The following CPXM1 variants were observed in gnomAD, a reference collection of about 807,000 sequenced individuals.
CPXM1 encodes the protein probable carboxypeptidase X1.
In CPXM1, 72 loss-of-function variants were observed where a neutral mutation model predicts 80.4. That is an observed-to-expected ratio of 0.90 (90% CI 0.74 to 1.09). The LOEUF (loss-of-function observed/expected upper bound fraction) is 1.09, where lower values mean the gene tolerates loss of function less well. Ranked by LOEUF, CPXM1 falls within the 50% of genes least tolerant of loss-of-function variation. The pLI is 0.00. For missense variants in CPXM1, 892 were observed against 999.4 expected (o/e 0.89, Z 1.45); for synonymous variants, 403 against 405.6 (o/e 0.99, Z 0.08).
chr20:2,799,630 TC>T (rs1405454128), intron 1 of CPXM1, among the ~76,000 whole-genome samples: 2 of 151,898 alleles, frequency 1.3e-5, no homozygotes, highest in African/African-American at 4.8e-5. Context: ...CTCTCCAGAC[TC>T]CCCTGACTCG....
intron 5 of CPXM1, among the ~76,000 whole-genome samples, chr20:2,797,625 C>T (rs6051400): frequency 2.0e-5 from 3 of 152,304 alleles, no homozygotes; most frequent in African/African-American, 7.2e-5. Context: ...ACATTGTAGC[C>T]TGCTGTAAAA....
Position 2,794,276 on chromosome 20 carries a change from T to C in CPXM1, c.2119A>G (p.Arg707Gly). The C allele has an allele frequency of 3.7e-6, 6 of 1,613,958 alleles. No individual in the cohort carries two copies. The highest frequency in any genetic ancestry group is 5.1e-6 in the Non-Finnish European group (6 of 1,179,988). Residue 707 changes from arginine to glycine, a missense_variant, in exon 14 of 14, where the codon AGG (arginine) becomes GGG (glycine). This residue lies in a region of CPXM1 where 874 missense variants were observed against 958.4 expected (regional missense o/e 0.91). Coordinates refer to ENST00000380605, the MANE Select transcript of CPXM1 (RefSeq NM_019609.5). This position sits in a 1 kb window ranked among gnomAD's most constrained non-coding sequence, Gnocchi z 5.2. ...NFVLTKTPKQ[R>G]LRELLAAGAK... Reference sequence around the variant, plus strand: ...CCAGCTGCCAGCAGCTCGCGCAGCCTCTGTTTGGGAGTCTTGGTGAGCACG... The same window carrying C: ...CCAGCTGCCAGCAGCTCGCGCAGCCCCTGTTTGGGAGTCTTGGTGAGCACG...
Position 2,794,658 on chromosome 20 carries a change from T to A in CPXM1, c.1861-19A>T. The A allele has an allele frequency of 3.2e-6, 5 of 1,583,698 alleles. No individual in the cohort carries two copies. The highest frequency in any genetic ancestry group is 4.3e-6 in the Non-Finnish European group (5 of 1,157,614). On this transcript the variant is annotated intron_variant, in intron 12 of 13. Coordinates refer to ENST00000380605, the MANE Select transcript of CPXM1 (RefSeq NM_019609.5). This position sits in a 1 kb window ranked among gnomAD's most constrained non-coding sequence, Gnocchi z 5.2. ...TGCGCACCTGTGTGGGAAGAGGTTA[T>A]CAGAGCCCTTCCCCTTCGGCAGGAT...
chr20:2,799,799 G>A (rs533238745), intron 1 of CPXM1, among the ~76,000 whole-genome samples: 2 of 152,284 alleles, frequency 1.3e-5, no homozygotes, highest in South Asian at 4.1e-4. Context: ...CAGCCTCAGC[G>A]AGGGGCTCTC....
chr20:2,795,783 G>A lies in CPXM1; in HGVS notation c.1536C>T (p.Arg512=), dbSNP rs761805318. 3.0e-5 allele frequency: 48 copies of A among 1,612,726 alleles called. No homozygotes were observed. The highest frequency in any genetic ancestry group is 4.0e-5 in the Non-Finnish European group (47 of 1,180,036). ...LVVSYPFDMT[R]TPWAARELTP... ...TGAGCTCGCGGGCAGCCCACGGGGTGCGAGTCATGTCGAATGGGTAGGACA... is the reference window on the plus strand; with the variant it reads ...TGAGCTCGCGGGCAGCCCACGGGGTACGAGTCATGTCGAATGGGTAGGACA... Residue 512 remains arginine, a synonymous_variant, in exon 11 of 14, where the codon CGC becomes CGT. Coordinates refer to ENST00000380605, the MANE Select transcript of CPXM1 (RefSeq NM_019609.5). The surrounding 1 kb of genome is among the most constrained non-coding windows in gnomAD (Gnocchi z 5.4).
rs538540341 is a variant in CPXM1 at position 2,794,676 on chromosome 20, G to A, written c.1861-37C>T. ...GAGGTTATCAGAGCCCTTCCCCTTC[G>A]GCAGGATAATGTGCTGTTTAGCTAA... is the stretch of plus-strand genomic sequence containing the variant. On this transcript the variant is annotated intron_variant, in intron 12 of 13. Coordinates refer to ENST00000380605, the MANE Select transcript of CPXM1 (RefSeq NM_019609.5). This position sits in a 1 kb window ranked among gnomAD's most constrained non-coding sequence, Gnocchi z 5.2. The A allele has an allele frequency of 2.3e-4, 350 of 1,546,778 alleles. 5 individuals are homozygous for A. The Middle Eastern group carries it at 0.011, about 47-fold the overall frequency.
rs749150924 is a variant in CPXM1 at position 2,795,954 on chromosome 20, C to T, written c.1422+28G>A. The T allele has an allele frequency of 9.4e-6, 15 of 1,599,530 alleles. No individual in the cohort carries two copies. The East Asian group carries it at 2.7e-4, about 29-fold the overall frequency. On this transcript the variant is annotated intron_variant, in intron 10 of 13. Transcript: ENST00000380605. The surrounding 1 kb of genome is among the most constrained non-coding windows in gnomAD (Gnocchi z 5.4). ...AGAGACAAGGTCCGCCCCCCACAGA[C>T]CTCCACTGCCGCCCTCAAAATACTC...
rs374663889 is a variant in CPXM1, at chr20:2,795,609, C to T, written c.1710G>A (p.Thr570=). 4.3e-6 allele frequency: 7 copies of T among 1,613,158 alleles called. No individual in the cohort carries two copies. The highest frequency in any genetic ancestry group is 2.7e-5 in the African/African-American group (2 of 74,912). The change falls in exon 11 of 14, where the codon ACG becomes ACA. Residue 570 remains threonine, a synonymous_variant. Transcript: ENST00000380605. This position sits in a 1 kb window ranked among gnomAD's most constrained non-coding sequence, Gnocchi z 5.4. The part of the protein sequence containing the change: ...GNIINGADWH[T]VPGSMNDFSY... Reference sequence around the variant, plus strand: ...CCCTCAGGCACATACTCCCGGGGACCGTGTGCCAGTCAGCCCCGTTGATGA... The same window carrying T: ...CCCTCAGGCACATACTCCCGGGGACTGTGTGCCAGTCAGCCCCGTTGATGA...
At chr20:2,797,492 G>A (rs935596165) in intron 5 of CPXM1, 150 bp from the exon 6 acceptor site, 17 of 892,594 alleles carry the variant, frequency 1.9e-5, no homozygotes, top group African/African-American at 5.0e-5. Flanking sequence ...CACAGACCCC[G>A]GCCCACAGCC....
At chr20:2,797,416 A>C in intron 5 of CPXM1, 74 bp from the exon 6 acceptor site, 45 of 1,417,910 alleles carry the variant, frequency 3.2e-5, no homozygotes, top group Non-Finnish European at 3.9e-5. Flanking sequence ...GAAGGAGCTC[A>C]GGCCTCCAAG....
chr20:2,797,227 C>A lies in CPXM1; in HGVS notation c.797G>T (p.Cys266Phe). Residue 266 changes from cysteine (C) to phenylalanine (F), a missense_variant, in exon 6 of 14, where the codon TGC becomes TTC. This residue lies in a region of CPXM1 where 874 missense variants were observed against 958.4 expected (regional missense o/e 0.91). Transcript: ENST00000380605. ...GCAGGCCAGGATCTCTGCCCGGAGG[C>A]AAGGCGCGCCTCCCTGGAGCCAGGT... ...PQTWLQGGAP[C>F]LRAEILACPV... The A allele has an allele frequency of 6.4e-7, 1 of 1,574,428 alleles. No individual in the cohort carries two copies. Among genetic ancestry groups the A allele is most frequent in the Non-Finnish European group, 8.6e-7 (1 of 1,156,724 alleles).
Position 2,796,768 on chromosome 20 carries a change from A to C in CPXM1, c.922-118T>G. 1 of 1,402,590 alleles carries C rather than the reference A, an allele frequency of 7.1e-7. No individual in the cohort carries two copies. The highest frequency in any genetic ancestry group is 9.7e-7 in the Non-Finnish European group (1 of 1,026,984). The allele number at this position is 1,402,590 out of a possible 1,614,324, so 86.9% of individuals were successfully genotyped here. ...ATGGCCCACACAGAGGGGGCATCCC[A>C]TCATGGTACAGGAGGGGAGCGGCAG... On this transcript the variant is annotated intron_variant, in intron 7 of 13. Transcript: ENST00000380605. The surrounding 1 kb of genome is among the most constrained non-coding windows in gnomAD (Gnocchi z 6.8).
At chr20:2,797,906 C>T in intron 5 of CPXM1, 62 bp downstream of exon 5, 2 of 1,467,104 alleles carry the variant, frequency 1.4e-6, no homozygotes, top group South Asian at 1.2e-5. Flanking sequence ...GAGCCTCAGC[C>T]TAGCCTGGAC....
At position 2,794,099 on chromosome 20, in the gene CPXM1, C is replaced by T; in HGVS notation, c.*91G>A. The T allele has an allele frequency of 6.7e-7, 1 of 1,495,116 alleles. No homozygotes were observed. Among genetic ancestry groups the T allele is most frequent in the South Asian group, 1.3e-5 (1 of 74,228 alleles). 92.6% of individuals were successfully genotyped at this position (1,495,116 alleles called of 1,614,324 possible). On this transcript the variant is annotated 3_prime_UTR_variant, in exon 14 of 14. Transcript: ENST00000380605. This position sits in a 1 kb window ranked among gnomAD's most constrained non-coding sequence, Gnocchi z 5.2. ...TAAGGTGCCCGGTAGCTTTAATGAG[C>T]ACCTTTTCCTCACTTTGTCCCTCCC...
chr20:2,795,235 G>T lies in CPXM1; in HGVS notation c.1860+42C>A, dbSNP rs2088492192. 6.2e-7 allele frequency: 1 copy of T among 1,602,358 alleles called. No homozygotes were observed. Among genetic ancestry groups the T allele is most frequent in the African/African-American group, 1.3e-5 (1 of 74,824 alleles). ...GGAGCTGTAGCCTAAATGGACAGCA[G>T]GAGTGATTCAGGCAGGCTGGGGGCC... On this transcript the variant is annotated intron_variant, in intron 12 of 13. Coordinates refer to ENST00000380605, the MANE Select transcript of CPXM1 (RefSeq NM_019609.5). This position sits in a 1 kb window ranked among gnomAD's most constrained non-coding sequence, Gnocchi z 5.4.
In CPXM1 at chr20:2,796,999, A is replaced by G. The variant is rs1327969777; in HGVS notation, c.921+7T>C. ...CTCCTTCCCAGGTCATAGGGGTTAT[A>G]TCTGACCTTCCTCATGGCCTTGTAA... On this transcript the variant is annotated splice_region_variant and intron_variant, in intron 7 of 13. Transcript: ENST00000380605. This position sits in a 1 kb window ranked among gnomAD's most constrained non-coding sequence, Gnocchi z 6.8. The G allele has an allele frequency of 6.2e-7, 1 of 1,612,924 alleles. No individual in the cohort carries two copies. The highest frequency in any genetic ancestry group is 1.7e-5 in the Admixed American group (1 of 60,012).
At chr20:2,797,914 G>A (rs942039286) in intron 5 of CPXM1, 54 bp downstream of exon 5, 3 of 1,509,860 alleles carry the variant, frequency 2.0e-6, no homozygotes, top group Middle Eastern at 1.7e-4. Flanking sequence ...GCCTAGCCTG[G>A]ACTGGGTGCC....
In CPXM1 at chr20:2,796,474, C is replaced by T. The variant is rs906674609; in HGVS notation, c.1046-31G>A. ...GACACATGGGGGCTTGCAGCGGGTT[C>T]ATGCCTGGGGCCCTGCCCTGTGCCT... is the stretch of plus-strand genomic sequence containing the variant. On this transcript the variant is annotated intron_variant, in intron 8 of 13. Coordinates refer to ENST00000380605, the MANE Select transcript of CPXM1 (RefSeq NM_019609.5). The surrounding 1 kb of genome is among the most constrained non-coding windows in gnomAD (Gnocchi z 6.8). 1.4e-5 allele frequency: 23 copies of T among 1,613,230 alleles called. No homozygotes were observed. Among genetic ancestry groups the T allele is most frequent in the Non-Finnish European group, 1.9e-5 (23 of 1,179,532 alleles).
In CPXM1 at chr20:2,795,454, G is replaced by T; in HGVS notation, c.1721-38C>A. 6.2e-7 allele frequency: 1 copy of T among 1,605,148 alleles called. No homozygotes were observed. The highest frequency in any genetic ancestry group is 8.5e-7 in the Non-Finnish European group (1 of 1,173,308). The stretch of plus-strand genomic sequence containing the variant: ...CAGACACTGCTGCCTAAGCAGGCGG[G>T]ATGCGGTCCCATCCTCCCGCTACCC... On this transcript the variant is annotated intron_variant, in intron 11 of 13. Coordinates refer to ENST00000380605, the MANE Select transcript of CPXM1 (RefSeq NM_019609.5). This position sits in a 1 kb window ranked among gnomAD's most constrained non-coding sequence, Gnocchi z 5.4.
Sources: gnomAD v4.1 joint callset for allele counts (sites outside exome capture counted in the v4.1 genomes callset) on GRCh38, gnomAD v4.1.1 for gene constraint, gnomAD v4.1.1 regional missense constraint, Gnocchi (gnomAD v3.1) non-coding constraint, MANE v1.5 for transcripts, NCBI Gene and HGNC (gene_info 2026-07-23, HGNC 2026-07-21) for gene names.